The following MYO5B variants were observed in gnomAD, a reference collection of about 807,000 sequenced individuals.
The protein encoded by MYO5B is myosin VB, also known as unconventional myosin-Vb.
Under a neutral mutation model 229.3 loss-of-function variants are expected in MYO5B, and 143 were observed. The observed-to-expected ratio is 0.62, with a 90% CI of 0.54 to 0.72. The LOEUF (loss-of-function observed/expected upper bound fraction) is 0.72, where lower values mean the gene tolerates loss of function less well. MYO5B is among the 30% of genes least tolerant of loss of function. The probability of loss-of-function intolerance (pLI) is 0.00; values close to 1 mark genes in which losing one functional copy is unlikely to be tolerated. For synonymous variants in MYO5B, 918 were observed against 885.2 expected (o/e 1.04, Z -0.66); for missense variants, 2,321 against 2,331.0 (o/e 1.00, Z 0.09).
chr18:49,856,587 A>G (rs1022975330), intron 30 of MYO5B, among the ~76,000 whole-genome samples: 3 of 152,194 alleles, frequency 2.0e-5, no homozygotes, highest in African/African-American at 7.2e-5. Context: ...GGACCTCAGG[A>G]GGTCCACTAA....
At chr18:49,978,418 C>A (rs1291619896) in intron 9 of MYO5B, among the ~76,000 whole-genome samples, 2 of 152,014 alleles carry the variant, frequency 1.3e-5, no homozygotes, top group African/African-American at 4.8e-5. Flanking sequence ...GCTGGTCTCG[C>A]CCCCCAATGC....
chr18:50,084,596 G>A lies in MYO5B; in HGVS notation c.28-29218C>T, dbSNP rs1006874837. ...ATTTGTTTCTAGTTGGGAAGAGCCC[G>A]CATCGCCATGTCAATCCTAAGCCAA... On this transcript the variant is annotated intron_variant, in intron 1 of 39. Coordinates refer to ENST00000285039, the MANE Select transcript of MYO5B (RefSeq NM_001080467.3). Among the ~76,000 whole-genome samples, 10 of 152,124 alleles carry A rather than the reference G, an allele frequency of 6.6e-5. No individual in the cohort carries two copies. The East Asian group carries it at 7.7e-4, about 12-fold the overall frequency.
At chr18:49,888,725 G>A (rs112814548) in intron 22 of MYO5B, among the ~76,000 whole-genome samples, 169 of 152,212 alleles carry the variant, frequency 1.1e-3, no homozygotes, top group African/African-American at 3.7e-3. Context: ...GCCTCTTCCC[G>A]CCCTCCAGGA....
intron 17 of MYO5B, among the ~76,000 whole-genome samples, chr18:49,913,486 C>T (rs1002405056): frequency 2.0e-5 from 3 of 152,114 alleles, no homozygotes; most frequent in Admixed American, 2.0e-4. Flanking sequence ...CCAGCCTATC[C>T]CCACTTTCTC....
intron 22 of MYO5B, among the ~76,000 whole-genome samples, chr18:49,882,658 T>C (rs992347498): frequency 7.2e-6 from 1 of 138,926 alleles, no homozygotes; most frequent in African/African-American, 2.7e-5. Flanking sequence ...GGAAACCCAC[T>C]TCACAGAGTT....
At chr18:49,991,392 G>A (rs1397458456) in intron 6 of MYO5B, among the ~76,000 whole-genome samples, 1 of 152,168 alleles carries the variant, frequency 6.6e-6, no homozygotes, top group Non-Finnish European at 1.5e-5. Context: ...ATCTGCCACA[G>A]ACTCAAACCA....
chr18:50,096,551 T>C (rs938443680), intron 1 of MYO5B, among the ~76,000 whole-genome samples: 2 of 152,090 alleles, frequency 1.3e-5, no homozygotes, highest in African/African-American at 4.8e-5. Context: ...GCCTCCTGGA[T>C]CAAGGTCACA....
chr18:49,927,439 AC>A (rs2025141820), intron 17 of MYO5B, among the ~76,000 whole-genome samples: 1 of 140,100 alleles, frequency 7.1e-6, no homozygotes, highest in Non-Finnish European at 1.5e-5. Context: ...AAACAAAAAA[AC>A]AAAACAAAAC....
chr18:49,999,544 T>A (rs60822182), intron 5 of MYO5B, among the ~76,000 whole-genome samples: 1 of 152,230 alleles, frequency 6.6e-6, no homozygotes, highest in African/African-American at 2.4e-5. Context: ...AAAAGTTGAA[T>A]GATATGGGGA....
chr18:50,182,949 T>G (rs2033093596), intron 1 of MYO5B, among the ~76,000 whole-genome samples: 1 of 152,122 alleles, frequency 6.6e-6, no homozygotes, highest in African/African-American at 2.4e-5. Flanking sequence ...AGGCTAAGAT[T>G]CTACCTACAA....
chr18:49,863,381 G>A, intron 28 of MYO5B, 54 bp from the exon 29 acceptor site: 3 of 1,470,942 alleles, frequency 2.0e-6, no homozygotes, highest in Non-Finnish European at 9.5e-7. Flanking sequence ...CCACAAAATG[G>A]CTTTATATAC....
intron 16 of MYO5B, among the ~76,000 whole-genome samples, chr18:49,930,821 G>A: frequency 6.6e-6 from 1 of 151,596 alleles, no homozygotes; most frequent in Non-Finnish European, 1.5e-5. Flanking sequence ...GAATCCGGGA[G>A]GCAGAGGTTG....
rs1306440303 is a variant in MYO5B, at chr18:49,992,524, C to CATGTGT, written c.613-94_613-93insACACAT. On this transcript the variant is annotated intron_variant, in intron 5 of 39. Transcript: ENST00000285039. ...TTGTGGCAGCATGTGTCCCCTTTCT[C>CATGTGT]TTCCTTACTTACAGAAACCCTCTGT... The CATGTGT allele has an allele frequency of 6.4e-6, 10 of 1,560,488 alleles. No homozygotes were observed. The African/African-American group carries it at 1.4e-4, about 21-fold the overall frequency.
intron 1 of MYO5B, among the ~76,000 whole-genome samples, chr18:50,107,554 A>G (rs1232112893): frequency 6.6e-6 from 1 of 152,120 alleles, no homozygotes; most frequent in Non-Finnish European, 1.5e-5. Context: ...CCCTCAATTT[A>G]CAGATGCAAA....
At position 50,062,270 on chromosome 18, in the gene MYO5B, C is replaced by T. The variant is rs142472447; in HGVS notation, c.28-6892G>A. Among the ~76,000 whole-genome samples, 12 of 152,218 alleles carry T rather than the reference C, an allele frequency of 7.9e-5. No homozygotes were observed. In the South Asian group the frequency reaches 1.7e-3, roughly 21 times the overall value. Reference sequence around the variant, plus strand: ...CAGGCTGATGTTTCAGTTGCAACAACGCCTTGACCGGAAGCAGGGCAGTCT... The same window carrying T: ...CAGGCTGATGTTTCAGTTGCAACAATGCCTTGACCGGAAGCAGGGCAGTCT... On this transcript the variant is annotated intron_variant, in intron 1 of 39. Coordinates refer to ENST00000285039, the MANE Select transcript of MYO5B (RefSeq NM_001080467.3).
intron 13 of MYO5B, 109 bp downstream of exon 13, chr18:49,954,204 C>T: frequency 6.6e-7 from 1 of 1,522,720 alleles, no homozygotes; most frequent in Non-Finnish European, 9.1e-7. Context: ...GCTGAGGCTT[C>T]AGGCCATTTG....
chr18:49,879,587 A>T (rs1309140655), intron 23 of MYO5B, among the ~76,000 whole-genome samples: 2 of 152,238 alleles, frequency 1.3e-5, no homozygotes, highest in African/African-American at 4.8e-5. Flanking sequence ...TTAAAAGGAC[A>T]TTTGAAAACA....
chr18:49,973,343 C>T (rs1170013676), intron 10 of MYO5B, among the ~76,000 whole-genome samples: 1 of 152,148 alleles, frequency 6.6e-6, no homozygotes, highest in Non-Finnish European at 1.5e-5. Flanking sequence ...GGGGAAGTGG[C>T]CACTTCTACA....
intron 1 of MYO5B, among the ~76,000 whole-genome samples, chr18:50,113,021 C>T (rs908687413): frequency 1.3e-5 from 2 of 152,112 alleles, no homozygotes; most frequent in African/African-American, 2.4e-5. Flanking sequence ...TTATAAATAA[C>T]GCACAATTAG....
Sources: gnomAD v4.1 joint callset for allele counts (sites outside exome capture counted in the v4.1 genomes callset) on GRCh38, gnomAD v4.1.1 for gene constraint, MANE v1.5 for transcripts, NCBI Gene and HGNC (gene_info 2026-07-23, HGNC 2026-07-21) for gene names.